The following CFAP95 variants were observed in gnomAD, a reference collection of about 807,000 sequenced individuals.
CFAP95 encodes cilia- and flagella-associated protein 95.
chr9:69,828,313 G>T, the CFAP95 span, among the ~76,000 whole-genome samples: 2 of 152,262 alleles, frequency 1.3e-5, no homozygotes, highest in South Asian at 2.1e-4. Flanking sequence ...AAAGTATAAA[G>T]ATTAATATTT....
the CFAP95 span, among the ~76,000 whole-genome samples, chr9:69,861,730 C>CAAAAAAA: frequency 4.6e-5 from 4 of 86,846 alleles, no homozygotes; most frequent in Admixed American, 1.3e-4. Context: ...TCTTATGAGT[C>CAAAAAAA]AAAAAAAAAA....
At chr9:69,844,099 C>A in the CFAP95 span, among the ~76,000 whole-genome samples, 15 of 152,032 alleles carry the variant, frequency 9.9e-5, no homozygotes, top group Non-Finnish European at 2.2e-4. Flanking sequence ...TGGGCAAATA[C>A]TTTGCTGTCT....
chr9:69,845,795 T>A, the CFAP95 span, among the ~76,000 whole-genome samples: 1 of 152,122 alleles, frequency 6.6e-6, no homozygotes, highest in South Asian at 2.1e-4. Context: ...CTCTTTGGCA[T>A]CTCTATTTCT....
the CFAP95 span, among the ~76,000 whole-genome samples, chr9:69,826,940 A>G: frequency 6.6e-6 from 1 of 152,208 alleles, no homozygotes; most frequent in South Asian, 2.1e-4. Context: ...ATAGTACAAA[A>G]TCCCCACTAA....
At chr9:69,897,214 A>T in the CFAP95 span, among the ~76,000 whole-genome samples, 1 of 152,268 alleles carries the variant, frequency 6.6e-6, no homozygotes, top group Non-Finnish European at 1.5e-5. Context: ...ACATTCACAT[A>T]AATAAGCTTA....
chr9:69,834,109 T>G, the CFAP95 span, among the ~76,000 whole-genome samples: 1 of 152,182 alleles, frequency 6.6e-6, no homozygotes, highest in Non-Finnish European at 1.5e-5. Context: ...TGCTTTTTGT[T>G]TTGGACGGGG....
the CFAP95 span, among the ~76,000 whole-genome samples, chr9:69,879,493 A>G: frequency 2.0e-5 from 3 of 152,208 alleles, no homozygotes; most frequent in Admixed American, 2.0e-4. Flanking sequence ...GGGAAAAGCT[A>G]TACGTATTTA....
At chr9:69,821,769 G>C in the CFAP95 span, among the ~76,000 whole-genome samples, 1 of 150,286 alleles carries the variant, frequency 6.7e-6, no homozygotes, top group Non-Finnish European at 1.5e-5. Flanking sequence ...TTAATTAGTT[G>C]GCCACATTTA....
the CFAP95 span, among the ~76,000 whole-genome samples, chr9:69,857,342 G>A: frequency 3.3e-5 from 5 of 152,132 alleles, no homozygotes; most frequent in African/African-American, 1.2e-4. Flanking sequence ...CCATCGAAGT[G>A]TATGACACAT....
chr9:69,844,703 T>C, the CFAP95 span: 5 of 1,041,718 alleles, frequency 4.8e-6, no homozygotes, highest in Non-Finnish European at 7.3e-6. Flanking sequence ...GGGAGGAGTG[T>C]TTTGTGCAGC....
the CFAP95 span, among the ~76,000 whole-genome samples, chr9:69,823,539 T>C: frequency 6.6e-6 from 1 of 152,172 alleles, no homozygotes; most frequent in Non-Finnish European, 1.5e-5. Context: ...GATAGGATTA[T>C]TATAAGATTA....
chr9:69,840,476 G>T, the CFAP95 span, among the ~76,000 whole-genome samples: 1 of 152,038 alleles, frequency 6.6e-6, no homozygotes, highest in East Asian at 1.9e-4. Context: ...AGACTCTCAA[G>T]GTGTTGATTC....
At chr9:69,838,293 A>C in the CFAP95 span, among the ~76,000 whole-genome samples, 19 of 152,106 alleles carry the variant, frequency 1.2e-4, no homozygotes, top group South Asian at 2.1e-4. Context: ...CTTGATGGGG[A>C]TGGCATTGAA....
chr9:69,841,904 C>A, the CFAP95 span, among the ~76,000 whole-genome samples: 1 of 152,166 alleles, frequency 6.6e-6, no homozygotes, highest in African/African-American at 2.4e-5. Flanking sequence ...CAGGGTGTCT[C>A]CCATGACACA....
the CFAP95 span, among the ~76,000 whole-genome samples, chr9:69,842,626 C>T: frequency 6.6e-6 from 1 of 152,102 alleles, no homozygotes; most frequent in East Asian, 1.9e-4. Context: ...TTATTTCTGT[C>T]CTCATATTAT....
At chr9:69,820,938 A>G in the CFAP95 span, 2 of 1,614,010 alleles carry the variant, frequency 1.2e-6, no homozygotes, top group South Asian at 2.2e-5. Flanking sequence ...CACTGGTTGG[A>G]GATCGGACCA....
At chr9:69,901,177 G>A in the CFAP95 span, among the ~76,000 whole-genome samples, 2,786 of 149,570 alleles carry the variant, frequency 0.019, 77 homozygotes, top group African/African-American at 0.063. Context: ...TTGCTCTGTC[G>A]CCCAGGCTGG....
At chr9:69,824,788 G>T in the CFAP95 span, among the ~76,000 whole-genome samples, 2 of 152,106 alleles carry the variant, frequency 1.3e-5, no homozygotes, top group Non-Finnish European at 2.9e-5. Context: ...ATAATACAAG[G>T]TTATGTCTTG....
the CFAP95 span, among the ~76,000 whole-genome samples, chr9:69,891,793 T>C: frequency 6.6e-6 from 1 of 152,234 alleles, no homozygotes; most frequent in Non-Finnish European, 1.5e-5. Flanking sequence ...TTACTGTATT[T>C]TATGGCCATG....
Sources: allele counts gnomAD v4.1 joint callset (sites outside exome capture counted in the v4.1 genomes callset), GRCh38; gene constraint gnomAD v4.1.1; transcripts MANE v1.5; gene names NCBI Gene and HGNC (gene_info 2026-07-23, HGNC 2026-07-21).